SPTLC1: variants seen among roughly 807,000 people sequenced by gnomAD.
The protein encoded by SPTLC1 is serine palmitoyltransferase 1.
Under a neutral mutation model 68.9 loss-of-function variants are expected in SPTLC1, and 55 were observed. The observed-to-expected ratio is 0.80, with a 90% CI of 0.64 to 1.00. The LOEUF (loss-of-function observed/expected upper bound fraction) is 1.00. Ranked by LOEUF, SPTLC1 falls within the 50% of genes least tolerant of loss-of-function variation. SPTLC1 has a pLI of 0.00. For missense variants in SPTLC1, 449 were observed against 573.1 expected, an observed-to-expected ratio of 0.78 and a Z score of 2.21; for synonymous variants, 197 against 201.6, an observed-to-expected ratio of 0.98 and a Z score of 0.19.
intron 3 of SPTLC1, among the ~76,000 whole-genome samples, chr9:92,103,323 A>G (rs1453510632): frequency 2.0e-5 from 3 of 152,250 alleles, no homozygotes; most frequent in Non-Finnish European, 4.4e-5. Flanking sequence ...AGCCCAGAGC[A>G]TGCCATGGTC....
intron 7 of SPTLC1, among the ~76,000 whole-genome samples, chr9:92,058,688 GC>G (rs1330131098): frequency 6.6e-6 from 1 of 152,216 alleles, no homozygotes; most frequent in Admixed American, 6.5e-5. Flanking sequence ...ACAGGCAGTA[GC>G]TGCTCAGAGC....
chr9:92,111,679 A>G (rs1322175306), intron 2 of SPTLC1: 1 of 152,190 alleles, frequency 6.6e-6, no homozygotes, highest in Non-Finnish European at 1.5e-5. Context: ...CTGATTTAAA[A>G]TCACTTATCA....
chr9:92,103,594 G>C (rs541447489), intron 3 of SPTLC1, among the ~76,000 whole-genome samples: 1 of 152,204 alleles, frequency 6.6e-6, no homozygotes, highest in South Asian at 2.1e-4. Flanking sequence ...CTGCCAGGGA[G>C]GCATGTGGTA....
At chr9:92,088,185 C>A (rs576664759) in intron 3 of SPTLC1, among the ~76,000 whole-genome samples, 17 of 152,382 alleles carry the variant, frequency 1.1e-4, no homozygotes, top group African/African-American at 4.1e-4. Context: ...AACTCCCTGA[C>A]CCCTTGCGCT....
At position 92,041,021 on chromosome 9, in the gene SPTLC1, T is replaced by C. The variant is rs145971709; in HGVS notation, c.1137-2656A>G. On this transcript the variant is annotated intron_variant, in intron 12 of 14. Coordinates refer to ENST00000262554, the MANE Select transcript of SPTLC1 (RefSeq NM_006415.4). ...ACAAAAGACTTTGCCAAACATATCA[T>C]CTTATCCCAGTGGATAAACGAGCAC... is the stretch of plus-strand genomic sequence containing the variant. Among the ~76,000 whole-genome samples the C allele has an allele frequency of 3.3e-5, 5 of 152,282 alleles. No individual in the cohort carries two copies. In the South Asian group the frequency reaches 6.2e-4, roughly 19 times the overall value.
chr9:92,038,392 T>C (rs1339549774), intron 12 of SPTLC1, 27 bp from the exon 13 acceptor site: 2 of 1,417,526 alleles, frequency 1.4e-6, no homozygotes, highest in South Asian at 1.1e-5. Context: ...CACACACAGC[T>C]GTAAGTCCCT....
intron 3 of SPTLC1, among the ~76,000 whole-genome samples, chr9:92,082,760 T>C (rs1403692383): frequency 6.6e-6 from 1 of 151,846 alleles, no homozygotes; most frequent in Non-Finnish European, 1.5e-5. Flanking sequence ...TACCCAGTAA[T>C]GGGATGGCTG....
chr9:92,077,108 A>C (rs1834709078), intron 5 of SPTLC1: 1 of 152,188 alleles, frequency 6.6e-6, no homozygotes, highest in Non-Finnish European at 1.5e-5. Context: ...CTTAAAAAAG[A>C]CTGGACCACT....
chr9:92,094,493 C>T (rs532085637), intron 3 of SPTLC1, among the ~76,000 whole-genome samples: 206 of 152,306 alleles, frequency 1.4e-3, no homozygotes, highest in African/African-American at 4.7e-3. Context: ...TGTCCCTCTC[C>T]TCTAAGTCAC....
chr9:92,047,508 T>C, intron 10 of SPTLC1, 105 bp downstream of exon 10: 1 of 793,734 alleles, frequency 1.3e-6, no homozygotes, highest in Non-Finnish European at 2.1e-6. Flanking sequence ...TAAATAAAAA[T>C]TGTGTGATAA....
intron 3 of SPTLC1, among the ~76,000 whole-genome samples, chr9:92,099,693 G>T (rs1221136942): frequency 2.6e-5 from 4 of 151,936 alleles, no homozygotes; most frequent in Non-Finnish European, 4.4e-5. Context: ...TGTTGCCCAG[G>T]CTGGTCTCAA....
intron 7 of SPTLC1, 107 bp from the exon 8 acceptor site, chr9:92,055,601 T>C (rs1587925242): frequency 1.1e-6 from 1 of 891,276 alleles, no homozygotes; most frequent in African/African-American, 1.6e-5. Context: ...CCTAAAAAAA[T>C]ATTCTGAATG....
intron 10 of SPTLC1, 56 bp downstream of exon 10, chr9:92,047,557 G>A (rs753746632): frequency 8.6e-7 from 1 of 1,158,758 alleles, no homozygotes; most frequent in African/African-American, 1.5e-5. Context: ...ATATTTTGAG[G>A]TGACCAATGG....
intron 9 of SPTLC1, among the ~76,000 whole-genome samples, chr9:92,048,376 T>C (rs938987457): frequency 6.6e-6 from 1 of 152,238 alleles, no homozygotes. Context: ...CTGATGGCCA[T>C]GTTAATGGAT....
chr9:92,108,892 T>C, intron 2 of SPTLC1, 58 bp from the exon 3 acceptor site: 3 of 1,585,308 alleles, frequency 1.9e-6, no homozygotes, highest in South Asian at 2.3e-5. Flanking sequence ...ATTATTAGTG[T>C]CTCTGCAACT....
Position 92,074,381 on chromosome 9 carries a change from G to A in SPTLC1, c.427+5635C>T, listed in dbSNP as rs550086086. ...CTGCCCAGTCCCCTTATTAGACCAA[G>A]ATATTTTAACTAAATTATCCTCCTC... On this transcript the variant is annotated intron_variant, in intron 5 of 14. Transcript: ENST00000262554. Among the ~76,000 whole-genome samples the A allele has an allele frequency of 2.6e-5, 4 of 152,094 alleles. No individual in the cohort carries two copies. The South Asian group carries it at 8.3e-4, about 32-fold the overall frequency.
At chr9:92,038,214 T>C (rs958745035) in intron 13 of SPTLC1, 34 bp downstream of exon 13, 1 of 1,385,712 alleles carries the variant, frequency 7.2e-7, no homozygotes, top group Non-Finnish European at 1.0e-6. Flanking sequence ...GCAGAAGTGG[T>C]GTGGGGGGAT....
intron 3 of SPTLC1, among the ~76,000 whole-genome samples, chr9:92,085,818 ATCTG>A (rs1202466947): frequency 2.0e-5 from 3 of 151,812 alleles, no homozygotes; most frequent in African/African-American, 7.3e-5. Flanking sequence ...TGTCTCGTTG[ATCTG>A]TCTAATGTTG....
chr9:92,061,518 G>GA (rs1442099450), intron 6 of SPTLC1, among the ~76,000 whole-genome samples: 3 of 151,968 alleles, frequency 2.0e-5, no homozygotes, highest in African/African-American at 7.3e-5. Context: ...TTCTAAATAG[G>GA]AAAAAAGCCA....
Sources: allele counts gnomAD v4.1 joint callset (sites outside exome capture counted in the v4.1 genomes callset), GRCh38; gene constraint gnomAD v4.1.1; transcripts MANE v1.5; gene names NCBI Gene and HGNC (gene_info 2026-07-23, HGNC 2026-07-21).